Variants in FHIT observed in about 807,000 individuals in gnomAD.
FHIT encodes fragile histidine triad diadenosine triphosphatase.
A neutral mutation model predicts 17.9 loss-of-function variants in FHIT; 19 were observed. That is an observed-to-expected ratio of 1.06 (90% CI 0.74 to 1.56). The LOEUF is 1.56. Ranked by LOEUF, FHIT falls within the 40% of genes most tolerant of loss-of-function variation. FHIT has a pLI of 0.00. For missense variants in FHIT, 248 were observed against 189.2 expected, an observed-to-expected ratio of 1.31 and a Z score of -1.82; for synonymous variants, 81 against 69.7, an observed-to-expected ratio of 1.16 and a Z score of -0.81.
chr3:60,263,099 T>G (rs966586116), intron 5 of FHIT, among the ~76,000 whole-genome samples: 1 of 151,752 alleles, frequency 6.6e-6, no homozygotes, highest in Non-Finnish European at 1.5e-5. Context: ...AGGAAAAAAA[T>G]GCTTATCATT....
chr3:61,222,777 T>C (rs1050331379), intron 1 of FHIT, among the ~76,000 whole-genome samples: 8 of 152,004 alleles, frequency 5.3e-5, no homozygotes, highest in Non-Finnish European at 2.9e-5. Flanking sequence ...AACAACAGAC[T>C]CAAGGGTGGA....
At chr3:60,795,743 G>A (rs1700958635) in intron 4 of FHIT, among the ~76,000 whole-genome samples, 2 of 152,106 alleles carry the variant, frequency 1.3e-5, no homozygotes, top group South Asian at 2.1e-4. Context: ...TTGAACTCCT[G>A]GGCTCAAGCC....
chr3:60,928,952 T>C (rs1240703343), intron 3 of FHIT, among the ~76,000 whole-genome samples: 1 of 152,174 alleles, frequency 6.6e-6, no homozygotes, highest in African/African-American at 2.4e-5. Context: ...TGAACATCGA[T>C]GCAGAAATCC....
chr3:59,905,432 A>T (rs971444045), intron 8 of FHIT, among the ~76,000 whole-genome samples: 2 of 152,234 alleles, frequency 1.3e-5, no homozygotes, highest in Non-Finnish European at 2.9e-5. Flanking sequence ...CTGTTATCAG[A>T]TAAATTAAGT....
chr3:60,085,720 A>G (rs1703466374), intron 5 of FHIT, among the ~76,000 whole-genome samples: 2 of 152,202 alleles, frequency 1.3e-5, no homozygotes, highest in African/African-American at 4.8e-5. Context: ...TGTGCCCTAC[A>G]GGCCAAAATG....
intron 4 of FHIT, among the ~76,000 whole-genome samples, chr3:60,578,934 A>G (rs1359405893): frequency 6.6e-6 from 1 of 152,188 alleles, no homozygotes; most frequent in Non-Finnish European, 1.5e-5. Context: ...GACATTAATT[A>G]CAGGCAAAGA....
Position 60,049,880 on chromosome 3 carries a change from T to C in FHIT, c.104-35728A>G, listed in dbSNP as rs79295206. 9.5e-3 allele frequency among the ~76,000 whole-genome samples: 1,452 copies of C among 152,266 alleles called. 16 individuals are homozygous for C. Among genetic ancestry groups the C allele is most frequent in the African/African-American group, 0.033 (1,382 of 41,546 alleles). ...CTTCATTCTCTTATCAGCAGGCAAA[T>C]AGATTGTTTCTAATTCTTTACCATA... On this transcript the variant is annotated intron_variant, in intron 5 of 9. Coordinates refer to ENST00000492590, the MANE Select transcript of FHIT (RefSeq NM_002012.4).
intron 4 of FHIT, among the ~76,000 whole-genome samples, chr3:60,713,730 G>A (rs1214955126): frequency 3.9e-5 from 6 of 151,950 alleles, no homozygotes; most frequent in East Asian, 1.9e-4. Context: ...TAAACGAAAC[G>A]AGGAAGAAGT....
chr3:60,092,799 C>A (rs1703786467), intron 5 of FHIT, among the ~76,000 whole-genome samples: 1 of 152,094 alleles, frequency 6.6e-6, no homozygotes, highest in Admixed American at 6.6e-5. Flanking sequence ...GTAAGCAAAT[C>A]AAAAATATCA....
chr3:61,118,995 A>T (rs2036378688), intron 2 of FHIT, among the ~76,000 whole-genome samples: 1 of 152,134 alleles, frequency 6.6e-6, no homozygotes, highest in Non-Finnish European at 1.5e-5. Flanking sequence ...AAGACATTTT[A>T]CTGGGCACCA....
intron 8 of FHIT, among the ~76,000 whole-genome samples, chr3:59,772,943 C>T (rs1025725959): frequency 5.3e-5 from 8 of 152,228 alleles, no homozygotes; most frequent in South Asian, 2.1e-4. Context: ...ACTGCCACAA[C>T]GAACACATTT....
intron 4 of FHIT, among the ~76,000 whole-genome samples, chr3:60,776,372 A>G (rs886511874): frequency 6.6e-6 from 1 of 152,204 alleles, no homozygotes; most frequent in Non-Finnish European, 1.5e-5. Flanking sequence ...TGAATCTAAT[A>G]TTTTTTAAAG....
chr3:61,108,060 A>C (rs2036043517), intron 2 of FHIT, among the ~76,000 whole-genome samples: 1 of 152,234 alleles, frequency 6.6e-6, no homozygotes, highest in African/African-American at 2.4e-5. Context: ...AAACCATTCT[A>C]ACAAGTGTGA....
chr3:60,418,425 T>C (rs28369447), intron 5 of FHIT, among the ~76,000 whole-genome samples: 530 of 21,724 alleles, frequency 0.024, 16 homozygotes, highest in African/African-American at 0.053. Context: ...TATATATATA[T>C]ACGTGTATAC....
At chr3:60,249,262 A>G (rs1322749163) in intron 5 of FHIT, among the ~76,000 whole-genome samples, 1 of 152,164 alleles carries the variant, frequency 6.6e-6, no homozygotes, top group Admixed American at 6.5e-5. Context: ...TTTTATAAAC[A>G]AAAGTTGGGG....
At chr3:60,803,135 A>C (rs1701254438) in intron 4 of FHIT, among the ~76,000 whole-genome samples, 1 of 152,192 alleles carries the variant, frequency 6.6e-6, no homozygotes, top group African/African-American at 2.4e-5. Flanking sequence ...TCTTCCGGTT[A>C]GTACTTACTG....
At chr3:60,245,483 T>G (rs1705345567) in intron 5 of FHIT, among the ~76,000 whole-genome samples, 1 of 152,024 alleles carries the variant, frequency 6.6e-6, no homozygotes, top group Non-Finnish European at 1.5e-5. Context: ...AAATGGCCAA[T>G]AAGCTCATAA....
At chr3:59,935,160 C>T (rs1024115139) in intron 7 of FHIT, among the ~76,000 whole-genome samples, 2 of 152,084 alleles carry the variant, frequency 1.3e-5, no homozygotes, top group Non-Finnish European at 2.9e-5. Context: ...CTGCTTGCTG[C>T]TGGGTGGGAA....
intron 5 of FHIT, among the ~76,000 whole-genome samples, chr3:60,330,501 T>C (rs1371904978): frequency 2.0e-5 from 3 of 152,204 alleles, no homozygotes; most frequent in African/African-American, 7.2e-5. Context: ...CACTGTGCAT[T>C]TCACTTCTAC....
Sources: gnomAD v4.1 joint callset for allele counts (sites outside exome capture counted in the v4.1 genomes callset) on GRCh38, gnomAD v4.1.1 for gene constraint, MANE v1.5 for transcripts, NCBI Gene and HGNC (gene_info 2026-07-23, HGNC 2026-07-21) for gene names.